Variants in MGST1 observed in about 807,000 individuals in gnomAD.
The protein encoded by MGST1 is glutathione S-transferase 12.
A neutral mutation model predicts 8.9 loss-of-function variants in MGST1; 5 were observed. The ratio of observed to expected loss-of-function variants is 0.56; its 90% CI spans 0.29 to 1.19. The LOEUF (loss-of-function observed/expected upper bound fraction) is 1.19. Among genes scored for constraint, MGST1 ranks in the 50% most tolerant of loss-of-function variants. MGST1 has a pLI of 0.08. For missense variants in MGST1, 182 were observed against 187.4 expected (o/e 0.97, Z 0.17); for synonymous variants, 54 against 67.8 (o/e 0.80, Z 1.00).
At position 16,537,797 on chromosome 12, in the gene MGST1, A is replaced by T. The variant is rs1231114911; in HGVS notation, n.483-51731A>T. On this transcript the variant is annotated intron_variant and non_coding_transcript_variant, in intron 4 of 4. Transcript: ENST00000538857. This position sits in a 1 kb window ranked among gnomAD's most constrained non-coding sequence, Gnocchi z 4.6. ...ACCAAGTCCCTAGGCTGCACACAGC[A>T]TGGGGATCCTGGGCCCAGCCCAGGA... Among the ~76,000 whole-genome samples the T allele has an allele frequency of 6.6e-6, 1 of 152,302 alleles. No individual in the cohort carries two copies. The highest frequency in any genetic ancestry group is 1.9e-4 in the East Asian group (1 of 5,174).
chr12:16,565,169 T>G (rs113183642), intron 4 of MGST1, among the ~76,000 whole-genome samples: 2 of 152,154 alleles, frequency 1.3e-5, no homozygotes, highest in Non-Finnish European at 1.5e-5. Context: ...TAACTACAGA[T>G]GAACAGAGAA....
chr12:16,490,780 G>A (rs1180040269), intron 4 of MGST1, among the ~76,000 whole-genome samples: 1 of 152,100 alleles, frequency 6.6e-6, no homozygotes, highest in East Asian at 1.9e-4. Context: ...CCTGAGCATG[G>A]TTAATTAACT....
intron 4 of MGST1, among the ~76,000 whole-genome samples, chr12:16,583,074 T>C (rs1039236011): frequency 6.8e-6 from 1 of 146,962 alleles, no homozygotes; most frequent in Non-Finnish European, 1.5e-5. Flanking sequence ...AAATCTAAAC[T>C]GTAGGGTCAT....
chr12:16,391,053 T>A (rs1291943395), intron 1 of MGST1, among the ~76,000 whole-genome samples: 1 of 152,280 alleles, frequency 6.6e-6, no homozygotes, highest in Non-Finnish European at 1.5e-5. Context: ...ATTTCTCTAA[T>A]GATCAGTGAT....
chr12:16,404,454 A>G (rs1418374127), intron 1 of MGST1, among the ~76,000 whole-genome samples: 1 of 151,980 alleles, frequency 6.6e-6, no homozygotes, highest in Non-Finnish European at 1.5e-5. Context: ...ATATATTTGA[A>G]TTTATACCTA....
intron 3 of MGST1, 145 bp downstream of exon 3, chr12:16,357,844 G>A (rs1939792451): frequency 1.6e-6 from 1 of 607,002 alleles, no homozygotes; most frequent in African/African-American, 1.9e-5. Context: ...AAAACTGGAT[G>A]TCTGAAATTG....
chr12:16,554,653 A>G (rs1192737263), intron 4 of MGST1, among the ~76,000 whole-genome samples: 1 of 152,154 alleles, frequency 6.6e-6, no homozygotes, highest in African/African-American at 2.4e-5. Context: ...AGTCCACTAT[A>G]TCTATTCACA....
chr12:16,550,965 T>A (rs1423736243), intron 4 of MGST1: 3 of 393,538 alleles, frequency 7.6e-6, no homozygotes, highest in Non-Finnish European at 1.4e-5. Context: ...TCATGCCAAG[T>A]GACACAAAAA....
intron 4 of MGST1, among the ~76,000 whole-genome samples, chr12:16,580,929 T>C (rs1322968972): frequency 6.6e-6 from 1 of 152,234 alleles, no homozygotes; most frequent in Non-Finnish European, 1.5e-5. Context: ...ATACTGTGTA[T>C]TGGACATGCT....
chr12:16,392,854 A>G (rs1940566202), intron 1 of MGST1, among the ~76,000 whole-genome samples: 1 of 152,112 alleles, frequency 6.6e-6, no homozygotes, highest in Non-Finnish European at 1.5e-5. Context: ...TATATATATA[A>G]CTGTCTATAT....
At chr12:16,392,283 G>A (rs751214325) in intron 1 of MGST1, among the ~76,000 whole-genome samples, 2 of 152,126 alleles carry the variant, frequency 1.3e-5, no homozygotes, top group African/African-American at 4.8e-5. Flanking sequence ...TTCACATGAC[G>A]ATGATTGTGT....
chr12:16,484,112 C>T (rs1255544197), intron 4 of MGST1, among the ~76,000 whole-genome samples: 2 of 152,158 alleles, frequency 1.3e-5, no homozygotes, highest in Non-Finnish European at 2.9e-5. Context: ...TTGTCAGACT[C>T]CCTTGCAGCT....
intron 1 of MGST1, among the ~76,000 whole-genome samples, chr12:16,351,037 A>G (rs140161584): frequency 1.3e-5 from 2 of 152,164 alleles, no homozygotes; most frequent in Admixed American, 1.3e-4. Context: ...ATTTTCAATG[A>G]GGGGGAAAAA....
chr12:16,589,290 T>C lies in MGST1; in HGVS notation n.483-238T>C, dbSNP rs1021489903. Among the ~76,000 whole-genome samples, 2 of 152,074 alleles carry C rather than the reference T, an allele frequency of 1.3e-5. No individual in the cohort carries two copies. The highest frequency in any genetic ancestry group is 4.8e-5 in the African/African-American group (2 of 41,446). On this transcript the variant is annotated intron_variant and non_coding_transcript_variant, in intron 4 of 4. Coordinates refer to the MGST1 transcript ENST00000538857. The surrounding 1 kb of genome is among the most constrained non-coding windows in gnomAD (Gnocchi z 4.2). ...ATAAGTTATCTGCCACTGATGATCA[T>C]TGATGGAGAAGGGGCAATACCTAAT...
intron 4 of MGST1, among the ~76,000 whole-genome samples, chr12:16,556,933 T>C (rs1418378465): frequency 6.6e-6 from 1 of 152,032 alleles, no homozygotes; most frequent in African/African-American, 2.4e-5. Context: ...AACACAGAAA[T>C]ATATTAGGTA....
chr12:16,481,246 C>G (rs1214556780), intron 4 of MGST1, among the ~76,000 whole-genome samples: 1 of 152,182 alleles, frequency 6.6e-6, no homozygotes, highest in Non-Finnish European at 1.5e-5. Flanking sequence ...AATCCCAAGC[C>G]AAGATATGCA....
At chr12:16,349,469 C>G (rs1355952062) in intron 1 of MGST1, among the ~76,000 whole-genome samples, 1 of 152,074 alleles carries the variant, frequency 6.6e-6, no homozygotes, top group African/African-American at 2.4e-5. Flanking sequence ...GTGGGTAGCC[C>G]AGAGGTAAAC....
At chr12:16,409,445 C>T (rs1240668445) in intron 1 of MGST1, among the ~76,000 whole-genome samples, 2 of 152,082 alleles carry the variant, frequency 1.3e-5, no homozygotes, top group East Asian at 1.9e-4. Context: ...AAGGGCTAGA[C>T]GTTCACCTGT....
chr12:16,383,238 C>G (rs1181544066), exon 1 of MGST1: 1 of 153,102 alleles, frequency 6.5e-6, no homozygotes, highest in Admixed American at 6.5e-5. Flanking sequence ...CTGCCTCACT[C>G]ACGCTGGGAG....
Sources: gnomAD v4.1 joint callset for allele counts (sites outside exome capture counted in the v4.1 genomes callset) on GRCh38, gnomAD v4.1.1 for gene constraint, Gnocchi (gnomAD v3.1) non-coding constraint, MANE v1.5 for transcripts, NCBI Gene and HGNC (gene_info 2026-07-23, HGNC 2026-07-21) for gene names.